FMN2: variants seen among roughly 807,000 people sequenced by gnomAD.
FMN2 encodes formin-2.
A neutral mutation model predicts 142.3 loss-of-function variants in FMN2; 51 were observed. That is an observed-to-expected ratio of 0.36 (90% CI 0.29 to 0.45). The LOEUF is 0.45. FMN2 is among the 20% of genes least tolerant of loss of function. FMN2 has a pLI of 1.00. For missense variants in FMN2, 1,936 were observed against 2,122.8 expected (o/e 0.91, Z 1.73); for synonymous variants, 882 against 869.8 (o/e 1.01, Z -0.25).
rs1572023791 is a variant in FMN2, at chr1:240,177,755, TC to T, written c.1783-165del. The T allele has an allele frequency of 4.1e-5, 20 of 491,866 alleles. No homozygotes were observed. The East Asian group carries it at 6.6e-4, about 16-fold the overall frequency. The allele number at this position is 491,866 out of a possible 1,614,324, so 30.5% of individuals were successfully genotyped here. On this transcript the variant is annotated intron_variant, in intron 2 of 17. Transcript: ENST00000319653. The stretch of plus-strand genomic sequence containing the variant: ...AATGACTGCGTGAAAAAAATGTGTA[TC>T]TTAGGAATCTACACTGAATAGTATA...
chr1:240,416,648 A>G (rs1674585861), intron 15 of FMN2, among the ~76,000 whole-genome samples: 1 of 151,858 alleles, frequency 6.6e-6, no homozygotes, highest in Admixed American at 6.6e-5. Flanking sequence ...TATTTATGTT[A>G]TTTAATCTTG....
At chr1:240,265,455 A>G (rs1668765505) in intron 7 of FMN2, among the ~76,000 whole-genome samples, 1 of 152,162 alleles carries the variant, frequency 6.6e-6, no homozygotes, top group African/African-American at 2.4e-5. Flanking sequence ...TCACCAAGCT[A>G]GTTTGTAGTG....
At chr1:240,121,357 C>G (rs983350428) in intron 1 of FMN2, among the ~76,000 whole-genome samples, 1 of 151,362 alleles carries the variant, frequency 6.6e-6, no homozygotes, top group Non-Finnish European at 1.5e-5. Flanking sequence ...GATCCTCAGC[C>G]AGTGTCTTAT....
intron 8 of FMN2, among the ~76,000 whole-genome samples, chr1:240,297,985 A>G (rs1034121488): frequency 6.6e-6 from 1 of 152,122 alleles, no homozygotes; most frequent in Non-Finnish European, 1.5e-5. Context: ...ATCTCATTCA[A>G]GAGGGCTCTG....
intron 8 of FMN2, among the ~76,000 whole-genome samples, chr1:240,321,512 T>G (rs1027850762): frequency 6.6e-6 from 1 of 152,222 alleles, no homozygotes; most frequent in African/African-American, 2.4e-5. Flanking sequence ...AATTTTTAAA[T>G]GACCATTCTC....
At chr1:240,368,036 T>C (rs1297653278) in intron 14 of FMN2, among the ~76,000 whole-genome samples, 1 of 152,110 alleles carries the variant, frequency 6.6e-6, no homozygotes, top group Non-Finnish European at 1.5e-5. Flanking sequence ...TGTAGGAACT[T>C]TCCATATATG....
rs114992536 is a variant in FMN2, at chr1:240,271,293, C to T, written c.4153+13261C>T. On this transcript the variant is annotated intron_variant, in intron 7 of 17. Transcript: ENST00000319653. ...TCATTCTTGGAGACACAGGCTTTTT[C>T]GCTTCCCTATTAATTACCATAAGAA... Among the ~76,000 whole-genome samples, 1,247 of 151,436 alleles carry T rather than the reference C, an allele frequency of 8.2e-3. 19 individuals carry two copies. The highest frequency in any genetic ancestry group is 0.028 in the African/African-American group (1,154 of 41,286).
At chr1:240,373,662 A>C (rs1407370503) in intron 14 of FMN2, among the ~76,000 whole-genome samples, 3 of 152,202 alleles carry the variant, frequency 2.0e-5, no homozygotes, top group East Asian at 1.9e-4. Flanking sequence ...TCACATCCTC[A>C]GGCTCCACTT....
chr1:240,150,391 C>T (rs532741306), intron 2 of FMN2, among the ~76,000 whole-genome samples: 4 of 152,220 alleles, frequency 2.6e-5, no homozygotes, highest in African/African-American at 9.6e-5. Flanking sequence ...ATCCCATGTG[C>T]TCATTAATTA....
chr1:240,375,455 A>G (rs1008992527), intron 14 of FMN2, among the ~76,000 whole-genome samples: 17 of 152,244 alleles, frequency 1.1e-4, no homozygotes, highest in African/African-American at 4.1e-4. Flanking sequence ...GAGATGTTAT[A>G]GCTGCAACAC....
chr1:240,208,492 C>T lies in FMN2; in HGVS notation c.3680C>T (p.Pro1227Leu). 1 of 1,611,824 alleles carries T rather than the reference C, an allele frequency of 6.2e-7. No homozygotes were observed. The highest frequency in any genetic ancestry group is 8.5e-7 in the Non-Finnish European group (1 of 1,179,278). Residue 1227 changes from proline to leucine, a missense_variant, in exon 5 of 18, where the codon CCA (proline) becomes CTA (leucine). Coordinates refer to ENST00000319653, the MANE Select transcript of FMN2 (RefSeq NM_020066.5). ...CCTGCTCCAGCTCCCCCACTCCCTC[C>T]ACCTGGGACAGGAATCCCACCGCCC... is the stretch of plus-strand genomic sequence containing the variant. ...IPPAPAPPLPPPGTGIPPPPL... is the reference protein window; with the variant it reads ...IPPAPAPPLPLPGTGIPPPPL...
chr1:240,141,420 C>T (rs927902404), intron 2 of FMN2, among the ~76,000 whole-genome samples: 16 of 152,106 alleles, frequency 1.1e-4, no homozygotes, highest in South Asian at 4.1e-4. Context: ...GGCACGATCT[C>T]GGCTCACTGC....
At chr1:240,292,026 A>G (rs2102956090) in intron 7 of FMN2, among the ~76,000 whole-genome samples, 1 of 152,356 alleles carries the variant, frequency 6.6e-6, no homozygotes, top group Middle Eastern at 3.4e-3. Context: ...AACTTATAAA[A>G]AGTAACTTAC....
chr1:240,348,478 C>G (rs1671989608), intron 13 of FMN2, among the ~76,000 whole-genome samples: 1 of 151,750 alleles, frequency 6.6e-6, no homozygotes, highest in African/African-American at 2.4e-5. Flanking sequence ...CCACCTTGGC[C>G]TCCCAAAGTT....
intron 15 of FMN2, among the ~76,000 whole-genome samples, chr1:240,396,581 A>C (rs1673786052): frequency 6.6e-6 from 1 of 152,052 alleles, no homozygotes; most frequent in African/African-American, 2.4e-5. Flanking sequence ...CGTAGTACTC[A>C]GTGGGTGGTT....
At chr1:240,202,054 G>A (rs1250571417) in intron 4 of FMN2, among the ~76,000 whole-genome samples, 11 of 152,232 alleles carry the variant, frequency 7.2e-5, no homozygotes, top group South Asian at 6.2e-4. Flanking sequence ...GTCCAGACAC[G>A]GGAATATGAT....
At chr1:240,252,220 T>C (rs1668300403) in intron 6 of FMN2, among the ~76,000 whole-genome samples, 1 of 152,166 alleles carries the variant, frequency 6.6e-6, no homozygotes, top group South Asian at 2.1e-4. Context: ...CCTTAACTGA[T>C]TTCTGATTGC....
At chr1:240,205,900 T>C (rs1443344458) in intron 4 of FMN2, among the ~76,000 whole-genome samples, 1 of 147,922 alleles carries the variant, frequency 6.8e-6, no homozygotes, top group Non-Finnish European at 1.5e-5. Flanking sequence ...TCTTTTTTTT[T>C]TTTTTTTTTT....
In FMN2 at chr1:240,093,120, C is replaced by A. The variant is rs867121123; in HGVS notation, c.1011C>A (p.Ala337=). Residue 337 remains alanine (A), a synonymous_variant, in exon 1 of 18, where the codon GCC becomes GCA. Transcript: ENST00000319653. ...EAGPGEEAAG[A]PVRGAGDTDE... ...GGCCGGGGGAGGAAGCGGCCGGAGCCCCCGTGCGAGGGGCTGGGGACACGG... is the reference window on the plus strand; with the variant it reads ...GGCCGGGGGAGGAAGCGGCCGGAGCACCCGTGCGAGGGGCTGGGGACACGG... 7.1e-7 allele frequency: 1 copy of A among 1,399,282 alleles called. No individual in the cohort carries two copies. The highest frequency in any genetic ancestry group is 1.6e-5 in the South Asian group (1 of 62,090). 86.7% of individuals were successfully genotyped at this position (1,399,282 alleles called of 1,614,324 possible).
Sources: gnomAD v4.1 joint callset for allele counts (sites outside exome capture counted in the v4.1 genomes callset) on GRCh38, gnomAD v4.1.1 for gene constraint, MANE v1.5 for transcripts, NCBI Gene and HGNC (gene_info 2026-07-23, HGNC 2026-07-21) for gene names.